Variants in AREL1 observed in about 807,000 individuals in gnomAD.
AREL1 encodes the protein apoptosis resistant E3 ubiquitin protein ligase 1.
AREL1 carries 62 observed loss-of-function variants against 99.0 expected under a neutral mutation model. The ratio of observed to expected loss-of-function variants is 0.63; its 90% CI spans 0.51 to 0.77. AREL1 has a LOEUF of 0.77. AREL1 is among the 30% of genes least tolerant of loss of function. The pLI, the probability that AREL1 is intolerant of heterozygous loss-of-function variation, is 0.00. For synonymous variants in AREL1, 380 were observed against 376.5 expected, an observed-to-expected ratio of 1.01 and a Z score of -0.11; for missense variants, 879 against 1,027.6, an observed-to-expected ratio of 0.86 and a Z score of 1.98.
rs755695104 is a variant in AREL1 at position 74,713,041 on chromosome 14, A to T, written c.-442T>A. 17 of 1,262,232 alleles carry T rather than the reference A, an allele frequency of 1.3e-5. No homozygotes were observed. In the East Asian group the frequency reaches 3.7e-4, roughly 28 times the overall value. The allele number at this position is 1,262,232 out of a possible 1,614,324, so 78.2% of individuals were successfully genotyped here. A position where few individuals can be genotyped will look rare whatever the true frequency, so the allele number is the denominator to read the frequency against. On this transcript the variant is annotated 5_prime_UTR_variant, in exon 1 of 20. Transcript: ENST00000356357. ...CCACTCTCCCACCAACAGACCCCAG[A>T]GTTGGTCTCCACCCGGCCTGGGAAC... is the stretch of plus-strand genomic sequence containing the variant.
intron 2 of AREL1, among the ~76,000 whole-genome samples, chr14:74,687,886 G>A (rs1485420867): frequency 2.6e-4 from 40 of 151,996 alleles, no homozygotes; most frequent in Non-Finnish European, 4.9e-4. Context: ...AAAAGGCATG[G>A]CTTCTATTAC....
chr14:74,702,593 G>A (rs1287397940), intron 1 of AREL1, among the ~76,000 whole-genome samples: 1 of 152,172 alleles, frequency 6.6e-6, no homozygotes, highest in Non-Finnish European at 1.5e-5. Flanking sequence ...GAAAACCTCT[G>A]ACATGCCCTG....
At chr14:74,664,806 A>T in intron 18 of AREL1, 30 bp downstream of exon 18, 1 of 1,600,048 alleles carries the variant, frequency 6.2e-7, no homozygotes, top group Non-Finnish European at 8.6e-7. Flanking sequence ...CATGGCACAA[A>T]TCCAACTGAA....
intron 1 of AREL1, among the ~76,000 whole-genome samples, chr14:74,693,336 G>A (rs1252205218): frequency 6.6e-6 from 1 of 152,178 alleles, no homozygotes; most frequent in Non-Finnish European, 1.5e-5. Context: ...GCTACTACGA[G>A]TCAGGGGAAA....
At chr14:74,668,677 A>G (rs894033791) in intron 15 of AREL1, among the ~76,000 whole-genome samples, 19 of 152,294 alleles carry the variant, frequency 1.2e-4, no homozygotes, top group Admixed American at 4.6e-4. Flanking sequence ...TGGGAATCCC[A>G]TAATTTCCAG....
At chr14:74,686,842 T>C (rs150890898) in intron 2 of AREL1, among the ~76,000 whole-genome samples, 2 of 152,132 alleles carry the variant, frequency 1.3e-5, no homozygotes, top group African/African-American at 4.8e-5. Context: ...ACTGGGAACA[T>C]TAGAATTGTC....
At chr14:74,663,844 G>A (rs1595333565) in intron 19 of AREL1, 22 bp from the exon 20 acceptor site, 1 of 1,614,124 alleles carries the variant, frequency 6.2e-7, no homozygotes, top group Non-Finnish European at 8.5e-7. Context: ...AGGGAGAAGT[G>A]ATTAACTCAT....
rs752599769 is a variant in AREL1, at chr14:74,712,038, C to CAAAAAAAAAAAAAAAAAAAAAAAAAAAA, written c.-334+867_-334+894dup. The CAAAAAAAAAAAAAAAAAAAAAAAAAAAA allele has an allele frequency of 7.0e-4, 20 of 28,700 alleles. 1 individual carries two copies. The highest frequency in any genetic ancestry group is 0.033 in the Middle Eastern group (1 of 30). The allele number at this position is 28,700 out of a possible 1,614,324, so 1.8% of individuals were successfully genotyped here. On this transcript the variant is annotated intron_variant, in intron 1 of 19. Transcript: ENST00000356357. Reference sequence around the variant, plus strand: ...TAGCTGGAGAATGGAAGACAAAGTGCAAAAAAAAAAAAAAAAAAAAAAAAA... The same window carrying CAAAAAAAAAAAAAAAAAAAAAAAAAAAA: ...TAGCTGGAGAATGGAAGACAAAGTGCAAAAAAAAAAAAAAAAAAAAAAAAAAAAAAAAAAAAAAAAAAAAAAAAAAAAA...
intron 1 of AREL1, among the ~76,000 whole-genome samples, chr14:74,703,088 C>A (rs1216490778): frequency 6.6e-6 from 1 of 152,210 alleles, no homozygotes; most frequent in African/African-American, 2.4e-5. Context: ...TTTCAGGTAT[C>A]TTTACAGCAC....
At chr14:74,665,312 T>C (rs887476031) in intron 17 of AREL1, among the ~76,000 whole-genome samples, 3 of 150,560 alleles carry the variant, frequency 2.0e-5, no homozygotes, top group Non-Finnish European at 3.0e-5. Flanking sequence ...CTGTCTCGGC[T>C]CACTGCAACC....
chr14:74,668,156 A>G (rs963183322), intron 15 of AREL1, among the ~76,000 whole-genome samples: 1 of 152,210 alleles, frequency 6.6e-6, no homozygotes, highest in African/African-American at 2.4e-5. Context: ...TCCAGACCTT[A>G]GGGGAAATTA....
At position 74,661,440 on chromosome 14, in the gene AREL1, CA is replaced by C; in HGVS notation, c.*2279del. 2.7e-6 allele frequency: 1 copy of C among 373,174 alleles called. No homozygotes were observed. Among genetic ancestry groups the C allele is most frequent in the Non-Finnish European group, 5.4e-6 (1 of 185,892 alleles). The allele number at this position is 373,174 out of a possible 1,614,324, so 23.1% of individuals were successfully genotyped here. ...GTCTCCTTCAAAGACGCTAAAAGGC[CA>C]GAAGGGTAGCTGGCCCCCCAAGTAC... On this transcript the variant is annotated 3_prime_UTR_variant, in exon 20 of 20. Transcript: ENST00000356357.
chr14:74,670,709 G>T, intron 13 of AREL1, 53 bp downstream of exon 13: 1 of 1,486,982 alleles, frequency 6.7e-7, no homozygotes. Flanking sequence ...ATCCTTGTTA[G>T]TCTACCCATG....
intron 1 of AREL1, among the ~76,000 whole-genome samples, chr14:74,707,411 C>T (rs2090200486): frequency 6.6e-6 from 1 of 151,402 alleles, no homozygotes; most frequent in African/African-American, 2.4e-5. Flanking sequence ...ACCGGTAATC[C>T]CAGCACTTTG....
At position 74,712,908 on chromosome 14, in the gene AREL1, G is replaced by T. The variant is rs562256207; in HGVS notation, c.-334+25C>A. ...GGTAAAGGCAGGTCTTCTGGGCTCT[G>T]CCTAAGGCTGGAGAGAAACGTTACC... On this transcript the variant is annotated intron_variant, in intron 1 of 19. Transcript: ENST00000356357. 2.7e-5 allele frequency: 17 copies of T among 639,930 alleles called. No homozygotes were observed. The East Asian group carries it at 5.3e-4, about 20-fold the overall frequency. The allele number at this position is 639,930 out of a possible 1,614,324, so 39.6% of individuals were successfully genotyped here.
chr14:74,674,114 G>A lies in AREL1; in HGVS notation c.1081-3C>T. ...TAGAACTCCTTCACTGAGAATTGCT[G>A]GAGGACCAACAGACAGGAAATGAAG... On this transcript the variant is annotated splice_region_variant and splice_polypyrimidine_tract_variant and intron_variant, in intron 8 of 19. Transcript: ENST00000356357. 6.2e-7 allele frequency: 1 copy of A among 1,612,390 alleles called. No homozygotes were observed. The highest frequency in any genetic ancestry group is 1.6e-4 in the Middle Eastern group (1 of 6,062).
At chr14:74,711,805 C>T (rs1234689524) in intron 1 of AREL1, 2 of 151,784 alleles carry the variant, frequency 1.3e-5, no homozygotes, top group East Asian at 3.9e-4. Context: ...AATGTCATGG[C>T]GAGTTATAAG....
rs771573679 is a variant in AREL1, at chr14:74,684,637, C to T, written c.60G>A (p.Lys20=). The T allele has an allele frequency of 6.2e-7, 1 of 1,614,184 alleles. No individual in the cohort carries two copies. Among genetic ancestry groups the T allele is most frequent in the East Asian group, 2.2e-5 (1 of 44,880 alleles). ...VSVVAFFFTI[K]FLFELAARVV... ...CACGTGCGGCAAGCTCAAAGAGGAA[C>T]TTAATTGTGAAGAAGAATGCAACCA... The change falls in exon 4 of 20, where the codon AAG becomes AAA. Residue 20 remains lysine, a synonymous_variant. Transcript: ENST00000356357.
chr14:74,688,695 C>A (rs1012096857), intron 2 of AREL1, among the ~76,000 whole-genome samples: 3 of 152,170 alleles, frequency 2.0e-5, no homozygotes, highest in Non-Finnish European at 2.9e-5. Flanking sequence ...CAACAGCTCT[C>A]AAACCACTCC....
Sources: allele counts gnomAD v4.1 joint callset (sites outside exome capture counted in the v4.1 genomes callset), GRCh38; gene constraint gnomAD v4.1.1; transcripts MANE v1.5; gene names NCBI Gene and HGNC (gene_info 2026-07-23, HGNC 2026-07-21).